Variants in CADM2 observed in about 807,000 individuals in gnomAD.
CADM2 encodes the protein immunoglobulin superfamily member 4D.
CADM2 carries 12 observed loss-of-function variants against 49.8 expected under a neutral mutation model. The observed-to-expected ratio is 0.24, with a 90% CI of 0.15 to 0.39. CADM2 has a LOEUF of 0.39. CADM2 is among the 10% of genes least tolerant of loss of function. The pLI, the probability that CADM2 is intolerant of heterozygous loss-of-function variation, is 1.00. For synonymous variants in CADM2, 214 were observed against 175.4 expected (o/e 1.22, Z -1.74); for missense variants, 378 against 492.3 (o/e 0.77, Z 2.20).
chr3:85,112,883 A>G (rs2107573668), intron 1 of CADM2, among the ~76,000 whole-genome samples: 1 of 151,866 alleles, frequency 6.6e-6, no homozygotes, highest in Non-Finnish European at 1.5e-5. Context: ...CAGATAATAT[A>G]TACATAATTT....
At chr3:85,340,620 C>G (rs1248513024) in intron 1 of CADM2, among the ~76,000 whole-genome samples, 3 of 151,348 alleles carry the variant, frequency 2.0e-5, no homozygotes, top group Admixed American at 2.0e-4. Context: ...GGTTTTTTGG[C>G]TCAATGTATT....
chr3:85,682,963 A>G (rs1420728164), intron 1 of CADM2, among the ~76,000 whole-genome samples: 1 of 152,130 alleles, frequency 6.6e-6, no homozygotes, highest in Non-Finnish European at 1.5e-5. Context: ...CAAAGGTAAA[A>G]TTAATCTCAT....
intron 1 of CADM2, among the ~76,000 whole-genome samples, chr3:85,227,263 C>T (rs1352766450): frequency 6.6e-6 from 1 of 152,012 alleles, no homozygotes; most frequent in Non-Finnish European, 1.5e-5. Flanking sequence ...GAGTCTAAGT[C>T]TTTTTGTAGG....
chr3:85,877,512 T>C (rs1297835491), intron 3 of CADM2, among the ~76,000 whole-genome samples: 2 of 152,026 alleles, frequency 1.3e-5, no homozygotes, highest in African/African-American at 4.8e-5. Flanking sequence ...AACTACGGCC[T>C]TTTGTGTTTT....
intron 1 of CADM2, among the ~76,000 whole-genome samples, chr3:85,028,489 A>T (rs1445396983): frequency 6.6e-6 from 1 of 152,184 alleles, no homozygotes; most frequent in African/African-American, 2.4e-5. Context: ...AATTAAAAAA[A>T]TTGTATAATT....
At chr3:85,674,351 T>C (rs924077707) in intron 1 of CADM2, among the ~76,000 whole-genome samples, 1 of 152,200 alleles carries the variant, frequency 6.6e-6, no homozygotes, top group African/African-American at 2.4e-5. Context: ...GAAGTTGTTA[T>C]TATTCTTTTG....
chr3:85,508,913 A>G (rs2040484396), intron 1 of CADM2, among the ~76,000 whole-genome samples: 1 of 151,990 alleles, frequency 6.6e-6, no homozygotes, highest in South Asian at 2.1e-4. Context: ...GCTGGAGATC[A>G]ATGTCCAACA....
chr3:86,003,047 T>C (rs1394296013), intron 8 of CADM2, among the ~76,000 whole-genome samples: 1 of 152,196 alleles, frequency 6.6e-6, no homozygotes, highest in Non-Finnish European at 1.5e-5. Context: ...GGGAGGAGGT[T>C]GTTCATGTTT....
intron 1 of CADM2, among the ~76,000 whole-genome samples, chr3:85,500,247 G>T (rs1016163635): frequency 2.0e-5 from 3 of 151,698 alleles, no homozygotes; most frequent in African/African-American, 4.9e-5. Flanking sequence ...TTTTTAGGCA[G>T]TAAAACAGCA....
intron 1 of CADM2, among the ~76,000 whole-genome samples, chr3:85,035,455 G>A (rs1205423309): frequency 6.6e-6 from 1 of 152,030 alleles, no homozygotes; most frequent in African/African-American, 2.4e-5. Context: ...TTTTGCTTTG[G>A]TTTCCTGTGT....
chr3:85,610,683 C>T (rs1415655416), intron 1 of CADM2, among the ~76,000 whole-genome samples: 1 of 151,972 alleles, frequency 6.6e-6, no homozygotes, highest in Admixed American at 6.6e-5. Context: ...TGACTATGCT[C>T]TTAACCACTT....
intron 1 of CADM2, among the ~76,000 whole-genome samples, chr3:85,276,991 T>C (rs770186768): frequency 3.3e-5 from 5 of 151,330 alleles, no homozygotes; most frequent in Non-Finnish European, 5.9e-5. Flanking sequence ...GGTATTTATA[T>C]GTTAAAAGTA....
intron 1 of CADM2, among the ~76,000 whole-genome samples, chr3:85,634,203 G>T (rs988204918): frequency 6.6e-6 from 1 of 151,798 alleles, no homozygotes; most frequent in Non-Finnish European, 1.5e-5. Context: ...TTTCAATGAG[G>T]TATTAAACAT....
intron 1 of CADM2, among the ~76,000 whole-genome samples, chr3:85,065,128 A>G (rs2036478800): frequency 1.3e-5 from 2 of 152,088 alleles, no homozygotes; most frequent in South Asian, 4.1e-4. Context: ...TAGTAAACTT[A>G]CTTATCATGA....
intron 1 of CADM2, among the ~76,000 whole-genome samples, chr3:85,127,131 G>T (rs958641311): frequency 9.9e-5 from 15 of 152,002 alleles, no homozygotes; most frequent in Non-Finnish European, 2.2e-4. Flanking sequence ...TATCAATATT[G>T]ACATTCAGCA....
intron 1 of CADM2, among the ~76,000 whole-genome samples, chr3:85,499,953 G>C (rs969315749): frequency 3.9e-5 from 6 of 152,156 alleles, no homozygotes; most frequent in Non-Finnish European, 8.8e-5. Flanking sequence ...AATATTGAAA[G>C]AATGAGTAGA....
intron 1 of CADM2, among the ~76,000 whole-genome samples, chr3:85,423,750 C>T (rs569350929): frequency 6.6e-6 from 1 of 152,294 alleles, no homozygotes; most frequent in Non-Finnish European, 1.5e-5. Flanking sequence ...CGTCTCATTG[C>T]TATGCATTCT....
At chr3:85,997,915 G>A (rs1729629763) in intron 8 of CADM2, among the ~76,000 whole-genome samples, 1 of 152,116 alleles carries the variant, frequency 6.6e-6, no homozygotes, top group Admixed American at 6.5e-5. Flanking sequence ...TAGGCTCTGA[G>A]AAGAAGAAAT....
intron 1 of CADM2, among the ~76,000 whole-genome samples, chr3:85,301,404 A>G (rs930831065): frequency 2.6e-5 from 4 of 152,048 alleles, no homozygotes; most frequent in African/African-American, 7.2e-5. Flanking sequence ...AGAGGATGAG[A>G]TTATAAATAG....
Sources: gnomAD v4.1 joint callset for allele counts (sites outside exome capture counted in the v4.1 genomes callset) on GRCh38, gnomAD v4.1.1 for gene constraint, MANE v1.5 for transcripts, NCBI Gene and HGNC (gene_info 2026-07-23, HGNC 2026-07-21) for gene names.